FHIT: variants seen among roughly 807,000 people sequenced by gnomAD.
FHIT encodes the protein fragile histidine triad diadenosine triphosphatase.
FHIT carries 19 observed loss-of-function variants against 17.9 expected under a neutral mutation model. That is an observed-to-expected ratio of 1.06 (90% confidence interval 0.74 to 1.56). FHIT has a LOEUF of 1.56. FHIT is among the 40% of genes most tolerant of loss of function. The pLI is 0.00. For synonymous variants in FHIT, 81 were observed against 69.7 expected, an observed-to-expected ratio of 1.16 and a Z score of -0.81; for missense variants, 248 against 189.2, an observed-to-expected ratio of 1.31 and a Z score of -1.82.
intron 4 of FHIT, among the ~76,000 whole-genome samples, chr3:60,656,572 G>A (rs1230708683): frequency 2.6e-5 from 4 of 152,204 alleles, no homozygotes; most frequent in South Asian, 2.1e-4. Flanking sequence ...CTTGTCAAGC[G>A]CTCAATACGT....
chr3:60,647,838 C>G (rs781901860), intron 4 of FHIT, among the ~76,000 whole-genome samples: 3 of 152,016 alleles, frequency 2.0e-5, no homozygotes, highest in Non-Finnish European at 4.4e-5. Context: ...ATGGGAAAAG[C>G]TAGTAATCTT....
intron 4 of FHIT, among the ~76,000 whole-genome samples, chr3:60,691,320 G>A (rs1174704110): frequency 1.3e-5 from 2 of 149,688 alleles, no homozygotes; most frequent in Admixed American, 1.3e-4. Context: ...TATTGCACCT[G>A]TTCATTTCAA....
chr3:60,609,290 T>TCCC (rs2038706305), intron 4 of FHIT, among the ~76,000 whole-genome samples: 1 of 152,056 alleles, frequency 6.6e-6, no homozygotes, highest in African/African-American at 2.4e-5. Flanking sequence ...GGCTGCCTAT[T>TCCC]CCCTTCTGCA....
At chr3:60,268,284 G>C (rs1003974391) in intron 5 of FHIT, among the ~76,000 whole-genome samples, 1 of 152,176 alleles carries the variant, frequency 6.6e-6, no homozygotes, top group Non-Finnish European at 1.5e-5. Flanking sequence ...GTACTGTTGG[G>C]ATAATTTGCA....
At chr3:60,555,854 T>C (rs542063855) in intron 4 of FHIT, among the ~76,000 whole-genome samples, 2 of 152,294 alleles carry the variant, frequency 1.3e-5, no homozygotes, top group East Asian at 3.9e-4. Context: ...GGTGGGACAT[T>C]TCTGTCTGCA....
Position 61,186,284 on chromosome 3 carries a change from C to G in FHIT, c.-164+14333G>C, listed in dbSNP as rs145544575. On this transcript the variant is annotated intron_variant, in intron 2 of 9. Coordinates refer to ENST00000492590, the MANE Select transcript of FHIT (RefSeq NM_002012.4). ...CTGCCTGCCCTGTACTCCACTTACC[C>G]AGAGAGTCTCTCCCAGTCCTGCCAA... Among the ~76,000 whole-genome samples, 184 of 152,304 alleles carry G rather than the reference C, an allele frequency of 1.2e-3. 3 individuals are homozygous for G. The East Asian group carries it at 0.03, about 25-fold the overall frequency.
chr3:60,400,950 T>C (rs1316364027), intron 5 of FHIT, among the ~76,000 whole-genome samples: 1 of 151,894 alleles, frequency 6.6e-6, no homozygotes, highest in Admixed American at 6.6e-5. Context: ...AACCTGAAAA[T>C]GTTAGGCTTA....
At chr3:60,975,141 T>C (rs970301757) in intron 3 of FHIT, among the ~76,000 whole-genome samples, 3 of 152,194 alleles carry the variant, frequency 2.0e-5, no homozygotes, top group Admixed American at 2.0e-4. Flanking sequence ...GTGCACATAC[T>C]GAGGATCATA....
At chr3:61,133,037 G>A (rs972711447) in intron 2 of FHIT, among the ~76,000 whole-genome samples, 1 of 152,170 alleles carries the variant, frequency 6.6e-6, no homozygotes, top group Non-Finnish European at 1.5e-5. Flanking sequence ...ATAGTGCATA[G>A]TGATGAAGAG....
At chr3:60,529,049 A>C (rs1385360056) in intron 5 of FHIT, among the ~76,000 whole-genome samples, 1 of 152,242 alleles carries the variant, frequency 6.6e-6, no homozygotes, top group East Asian at 1.9e-4. Flanking sequence ...CTGTAGTAGA[A>C]ATCTCACAAA....
chr3:60,905,087 A>G (rs1706335407), intron 3 of FHIT, among the ~76,000 whole-genome samples: 1 of 152,180 alleles, frequency 6.6e-6, no homozygotes, highest in South Asian at 2.1e-4. Context: ...AATTAAAACT[A>G]CACTAAGAAT....
chr3:60,234,681 T>C (rs536824525), intron 5 of FHIT, among the ~76,000 whole-genome samples: 12 of 152,192 alleles, frequency 7.9e-5, no homozygotes, highest in Non-Finnish European at 1.6e-4. Context: ...AAAGAATTGA[T>C]TTTGAAGATT....
At chr3:61,139,473 C>T (rs1450612233) in intron 2 of FHIT, among the ~76,000 whole-genome samples, 1 of 151,732 alleles carries the variant, frequency 6.6e-6, no homozygotes, top group Non-Finnish European at 1.5e-5. Context: ...GACATCAATT[C>T]CAGGACCAGT....
chr3:60,437,079 G>A (rs979913704), intron 5 of FHIT, among the ~76,000 whole-genome samples: 15 of 152,072 alleles, frequency 9.9e-5, no homozygotes, highest in African/African-American at 3.6e-4. Context: ...GTTCACAGGA[G>A]AGGCCAACTA....
intron 7 of FHIT, among the ~76,000 whole-genome samples, chr3:59,969,815 A>G (rs561702983): frequency 6.8e-4 from 103 of 152,262 alleles, no homozygotes; most frequent in African/African-American, 2.4e-3. Flanking sequence ...TAAAATAACA[A>G]AACTTACTGT....
chr3:60,584,464 C>T (rs1376673292), intron 4 of FHIT, among the ~76,000 whole-genome samples: 2 of 151,906 alleles, frequency 1.3e-5, no homozygotes, highest in Admixed American at 1.3e-4. Context: ...GAAAGAATTT[C>T]CCCAAGTAAT....
At chr3:60,658,491 T>G (rs1553690229) in intron 4 of FHIT, among the ~76,000 whole-genome samples, 1 of 152,116 alleles carries the variant, frequency 6.6e-6, no homozygotes, top group African/African-American at 2.4e-5. Flanking sequence ...ATATTTAATA[T>G]CCTAAAGTTA....
intron 3 of FHIT, among the ~76,000 whole-genome samples, chr3:60,962,412 TAC>T (rs1421507814): frequency 3.9e-5 from 6 of 152,234 alleles, no homozygotes; most frequent in Admixed American, 6.5e-5. Flanking sequence ...CCTAATTCAA[TAC>T]ACTTTATTTC....
chr3:60,378,826 G>A (rs1027729816), intron 5 of FHIT, among the ~76,000 whole-genome samples: 1 of 152,146 alleles, frequency 6.6e-6, no homozygotes, highest in Admixed American at 6.5e-5. Context: ...ATGTACCTGG[G>A]CCCAAAGGCC....
Sources: allele counts gnomAD v4.1 joint callset (sites outside exome capture counted in the v4.1 genomes callset), GRCh38; gene constraint gnomAD v4.1.1; transcripts MANE v1.5; gene names NCBI Gene and HGNC (gene_info 2026-07-23, HGNC 2026-07-21).